Variants in RBFOX3 observed in about 807,000 individuals in gnomAD.
RBFOX3 encodes RNA binding protein fox-1 homolog 3.
RBFOX3 carries 17 observed loss-of-function variants against 48.7 expected under a neutral mutation model. The ratio of observed to expected loss-of-function variants is 0.35; its 90% CI spans 0.24 to 0.52. The LOEUF (loss-of-function observed/expected upper bound fraction) is 0.52, where lower values mean the gene tolerates loss of function less well. RBFOX3 is among the 20% of genes least tolerant of loss of function. The probability of loss-of-function intolerance (pLI) is 0.94; values close to 1 mark genes in which losing one functional copy is unlikely to be tolerated. For missense variants in RBFOX3, 382 were observed against 497.5 expected (o/e 0.77, Z 2.21); for synonymous variants, 212 against 209.5 (o/e 1.01, Z -0.10).
In RBFOX3 at chr17:79,443,991, C is replaced by A. The variant is rs6501305; in HGVS notation, c.-175+38463G>T. On this transcript the variant is annotated intron_variant, in intron 2 of 14. Transcript: ENST00000693108. The surrounding 1 kb of genome is among the most constrained non-coding windows in gnomAD (Gnocchi z 4.4). ...GCACTGCCATCCCTCTTCCCATCTC[C>A]CAAAGGAGGAAACTGAGGCAGGAAG... Among the ~76,000 whole-genome samples the A allele has an allele frequency of 0.77, 117,156 of 152,036 alleles. 45,652 individuals carry two copies. Among genetic ancestry groups the A allele is most frequent in the Middle Eastern group, 0.84 (247 of 294 alleles).
chr17:79,289,360 C>T (rs929654051), intron 3 of RBFOX3, among the ~76,000 whole-genome samples: 1 of 152,218 alleles, frequency 6.6e-6, no homozygotes, highest in African/African-American at 2.4e-5. Context: ...GTGTCGACAC[C>T]CAGGACCAGC....
intron 3 of RBFOX3, among the ~76,000 whole-genome samples, chr17:79,241,120 C>G (rs941274195): frequency 3.3e-5 from 5 of 152,086 alleles, no homozygotes; most frequent in African/African-American, 1.2e-4. Flanking sequence ...AGACTACAGG[C>G]AAGCACCAAC....
chr17:79,534,199 C>G (rs137861863), intron 1 of RBFOX3, among the ~76,000 whole-genome samples: 1 of 152,154 alleles, frequency 6.6e-6, no homozygotes, highest in East Asian at 1.9e-4. Flanking sequence ...TAGTGAAAAA[C>G]GAAAATGTCA....
At chr17:79,609,140 G>A (rs1483391311) in intron 1 of RBFOX3, among the ~76,000 whole-genome samples, 1 of 152,226 alleles carries the variant, frequency 6.6e-6, no homozygotes, top group African/African-American at 2.4e-5. Flanking sequence ...CATCCGTCCC[G>A]AATCCGCGAT....
At chr17:79,159,159 C>G (rs1379532418) in intron 4 of RBFOX3, among the ~76,000 whole-genome samples, 1 of 152,114 alleles carries the variant, frequency 6.6e-6, no homozygotes, top group African/African-American at 2.4e-5. Flanking sequence ...GAGCGGAGAC[C>G]CAAAGAGCTG....
chr17:79,614,622 G>A (rs1055970146), upstream of RBFOX3, among the ~76,000 whole-genome samples: 20 of 152,300 alleles, frequency 1.3e-4, no homozygotes, highest in Non-Finnish European at 2.2e-4. Context: ...ATCAGAAATA[G>A]CAGTATTTAA....
intron 2 of RBFOX3, among the ~76,000 whole-genome samples, chr17:79,454,671 G>C (rs1401729797): frequency 6.6e-6 from 1 of 152,160 alleles, no homozygotes; most frequent in Non-Finnish European, 1.5e-5. Flanking sequence ...GGAATCAAAG[G>C]CCCAGAGAGG....
At chr17:79,424,441 C>T (rs1195074830) in intron 2 of RBFOX3, among the ~76,000 whole-genome samples, 10 of 152,122 alleles carry the variant, frequency 6.6e-5, no homozygotes, top group South Asian at 2.1e-4. Flanking sequence ...AAGGTCCCTC[C>T]GCTCCCCCCG....
At chr17:79,484,150 A>G (rs1438144065) in intron 1 of RBFOX3, among the ~76,000 whole-genome samples, 1 of 152,192 alleles carries the variant, frequency 6.6e-6, no homozygotes, top group Non-Finnish European at 1.5e-5. Context: ...CACTGGCACC[A>G]CCCAGAAATT....
chr17:79,403,147 G>A (rs1437266500), intron 2 of RBFOX3, among the ~76,000 whole-genome samples: 14 of 152,168 alleles, frequency 9.2e-5, no homozygotes, highest in Admixed American at 9.2e-4. Flanking sequence ...CCCTCGCTGG[G>A]GCCCTGAACA....
intron 4 of RBFOX3, among the ~76,000 whole-genome samples, chr17:79,137,403 C>G (rs2143826599): frequency 6.6e-6 from 1 of 152,304 alleles, no homozygotes; most frequent in Non-Finnish European, 1.5e-5. Flanking sequence ...CAAATATCCT[C>G]AGGCAGGGGG....
intron 1 of RBFOX3, among the ~76,000 whole-genome samples, chr17:79,515,152 A>G (rs1418562781): frequency 6.6e-6 from 1 of 152,196 alleles, no homozygotes; most frequent in Non-Finnish European, 1.5e-5. Context: ...GCAGAAGGGC[A>G]GAAGACCCTT....
rs1423095935 is a variant in RBFOX3 at position 79,103,762 on chromosome 17, G to T, written c.414+311C>A. On this transcript the variant is annotated intron_variant, in intron 7 of 14. Transcript: ENST00000693108. The surrounding 1 kb of genome is among the most constrained non-coding windows in gnomAD (Gnocchi z 6.1). ...GCCCTCTCTGTAGCCCCTCCCTCAAGCTTCAAGGCCAGTGGTCCCCTGGGG... is the reference window on the plus strand; with the variant it reads ...GCCCTCTCTGTAGCCCCTCCCTCAATCTTCAAGGCCAGTGGTCCCCTGGGG... Among the ~76,000 whole-genome samples, 1 of 152,140 alleles carries T rather than the reference G, an allele frequency of 6.6e-6. No individual in the cohort carries two copies. Among genetic ancestry groups the T allele is most frequent in the Non-Finnish European group, 1.5e-5 (1 of 68,018 alleles).
chr17:79,352,138 C>G (rs530098459), intron 2 of RBFOX3, among the ~76,000 whole-genome samples: 99 of 152,320 alleles, frequency 6.5e-4, no homozygotes, highest in African/African-American at 2.3e-3. Context: ...TGGTTTGGCT[C>G]TGTGTCCCCA....
At chr17:79,393,115 C>T (rs1457556498) in intron 2 of RBFOX3, among the ~76,000 whole-genome samples, 1 of 152,190 alleles carries the variant, frequency 6.6e-6, no homozygotes, top group Non-Finnish European at 1.5e-5. Flanking sequence ...AAAATATACA[C>T]AATGAACTGT....
At chr17:79,283,920 A>T (rs200251389) in intron 3 of RBFOX3, among the ~76,000 whole-genome samples, 2,375 of 99,122 alleles carry the variant, frequency 0.024, 107 homozygotes, top group East Asian at 0.049. Context: ...GACCATCGTA[A>T]CATTTGCCTG....
the RBFOX3 span, among the ~76,000 whole-genome samples, chr17:79,652,868 C>T: frequency 6.6e-6 from 1 of 151,894 alleles, no homozygotes; most frequent in East Asian, 1.9e-4. Context: ...AAGACCATTC[C>T]AAGTGTCCAA....
chr17:79,200,162 CAAA>C (rs3046721), intron 4 of RBFOX3, among the ~76,000 whole-genome samples: 2 of 110,942 alleles, frequency 1.8e-5, no homozygotes, highest in East Asian at 2.7e-4. Flanking sequence ...GACTCCGTCT[CAAA>C]AAAAAAAAAA....
intron 2 of RBFOX3, among the ~76,000 whole-genome samples, chr17:79,427,805 C>T (rs1339832646): frequency 3.3e-5 from 5 of 152,262 alleles, no homozygotes; most frequent in African/African-American, 1.2e-4. Flanking sequence ...TTGCAACATG[C>T]ACAGGCGTGC....
Sources: gnomAD v4.1 joint callset for allele counts (sites outside exome capture counted in the v4.1 genomes callset) on GRCh38, gnomAD v4.1.1 for gene constraint, Gnocchi (gnomAD v3.1) non-coding constraint, MANE v1.5 for transcripts, NCBI Gene and HGNC (gene_info 2026-07-23, HGNC 2026-07-21) for gene names.